Variants in RAPGEF6 observed in about 807,000 individuals in gnomAD.
RAPGEF6 encodes the protein Rap guanine nucleotide exchange factor 6.
In RAPGEF6, 56 loss-of-function variants were observed where a neutral mutation model predicts 171.4. That is an observed-to-expected ratio of 0.33 (90% CI 0.26 to 0.41). RAPGEF6 has a LOEUF of 0.41. RAPGEF6 is among the 10% of genes least tolerant of loss of function. The pLI is 1.00. For missense variants in RAPGEF6, 1,674 were observed against 1,921.4 expected (o/e 0.87, Z 2.41); for synonymous variants, 692 against 650.1 (o/e 1.06, Z -0.98).
chr5:131,542,842 T>C (rs1252429276), intron 6 of RAPGEF6, among the ~76,000 whole-genome samples: 1 of 152,128 alleles, frequency 6.6e-6, no homozygotes, highest in Non-Finnish European at 1.5e-5. Flanking sequence ...GGTCAGCAAA[T>C]TTGTTCAGTA....
intron 17 of RAPGEF6, among the ~76,000 whole-genome samples, chr5:131,470,979 G>A (rs1197899777): frequency 2.0e-5 from 3 of 152,184 alleles, no homozygotes; most frequent in African/African-American, 7.2e-5. Flanking sequence ...CTTCACCCTG[G>A]TAGTGACATT....
chr5:131,537,921 C>T (rs1010619366), intron 6 of RAPGEF6, among the ~76,000 whole-genome samples: 23 of 84,264 alleles, frequency 2.7e-4, no homozygotes, highest in Admixed American at 2.0e-3. Flanking sequence ...GATGAAACTC[C>T]GTCTCTACAA....
chr5:131,509,630 TTCAAAAAGCAAATTC>T (rs1757593961), intron 8 of RAPGEF6, among the ~76,000 whole-genome samples: 1 of 152,224 alleles, frequency 6.6e-6, no homozygotes, highest in African/African-American at 2.4e-5. Flanking sequence ...CTGCAAGTTT[TTCAAAAAGCAAATTC>T]ACAGACACTG....
At position 131,548,027 on chromosome 5, in the gene RAPGEF6, G is replaced by GT; in HGVS notation, c.495+19dup. 1 of 1,606,736 alleles carries GT rather than the reference G, an allele frequency of 6.2e-7. No homozygotes were observed. The highest frequency in any genetic ancestry group is 8.5e-7 in the Non-Finnish European group (1 of 1,175,592). On this transcript the variant is annotated intron_variant, in intron 6 of 27. Transcript: ENST00000509018. ...ATGAAAATTAAGGAAGATTCATGAA[G>GT]TGTTCCTAAATATACTCACAGAAAG...
chr5:131,580,105 G>T (rs937240021), intron 4 of RAPGEF6, among the ~76,000 whole-genome samples: 53 of 136,792 alleles, frequency 3.9e-4, no homozygotes, highest in African/African-American at 1.4e-3. Flanking sequence ...CATTGGGGAG[G>T]CTCGGGCCGC....
intron 21 of RAPGEF6, among the ~76,000 whole-genome samples, chr5:131,452,702 G>A (rs1385461859): frequency 6.7e-6 from 1 of 149,266 alleles, no homozygotes; most frequent in African/African-American, 2.5e-5. Flanking sequence ...TCCTGACCTT[G>A]TGATCCGCCT....
chr5:131,492,556 A>T (rs1756352074), intron 14 of RAPGEF6, 26 bp downstream of exon 14: 6 of 1,606,054 alleles, frequency 3.7e-6, no homozygotes, highest in Non-Finnish European at 5.1e-6. Flanking sequence ...GAAGGCTTGA[A>T]TATAAGTGGT....
intron 2 of RAPGEF6, 135 bp from the exon 3 acceptor site, chr5:131,603,462 T>C: frequency 1.7e-6 from 1 of 597,280 alleles, no homozygotes; most frequent in Non-Finnish European, 2.9e-6. Context: ...GTCACTAAAC[T>C]ACAGAGAGTT....
intron 17 of RAPGEF6, chr5:131,472,198 A>C (rs538978412): frequency 2.1e-5 from 6 of 282,452 alleles, no homozygotes; most frequent in South Asian, 2.1e-4. Context: ...CAGCCTCCCA[A>C]GTAGCTGGGA....
chr5:131,444,021 CATTCTTCCATCAGGG>C, intron 22 of RAPGEF6, among the ~76,000 whole-genome samples: 1 of 152,208 alleles, frequency 6.6e-6, no homozygotes, highest in Non-Finnish European at 1.5e-5. Flanking sequence ...AAGGGGAAGA[CATTCTTCCATCAGGG>C]AGTACTTTTA....
At chr5:131,564,271 A>G (rs1397532971) in intron 4 of RAPGEF6, among the ~76,000 whole-genome samples, 2 of 152,218 alleles carry the variant, frequency 1.3e-5, no homozygotes, top group Non-Finnish European at 1.5e-5. Flanking sequence ...AAGAGTATGC[A>G]TGAGCATTTG....
At chr5:131,452,349 C>A (rs1402283540) in intron 21 of RAPGEF6, among the ~76,000 whole-genome samples, 2 of 151,904 alleles carry the variant, frequency 1.3e-5, no homozygotes, top group Non-Finnish European at 2.9e-5. Context: ...CAGGTTAATA[C>A]AGAACACAAT....
intron 1 of RAPGEF6, among the ~76,000 whole-genome samples, chr5:131,630,689 T>C (rs1256033093): frequency 6.6e-6 from 1 of 152,194 alleles, no homozygotes; most frequent in African/African-American, 2.4e-5. Context: ...GTGTCTGTAC[T>C]TGATGTCTGG....
At chr5:131,512,602 T>C (rs139320908) in intron 7 of RAPGEF6, among the ~76,000 whole-genome samples, 3 of 152,286 alleles carry the variant, frequency 2.0e-5, no homozygotes, top group African/African-American at 4.8e-5. Context: ...CAGCTTTAAG[T>C]AATAGTCATT....
At chr5:131,547,899 G>T in intron 6 of RAPGEF6, 148 bp downstream of exon 6, 3 of 799,396 alleles carry the variant, frequency 3.8e-6, no homozygotes, top group Non-Finnish European at 3.9e-6. Flanking sequence ...CAACCAAACA[G>T]AAGCATTTAA....
intron 4 of RAPGEF6, among the ~76,000 whole-genome samples, chr5:131,572,012 G>A (rs750104030): frequency 5.9e-5 from 9 of 152,018 alleles, no homozygotes; most frequent in East Asian, 1.9e-4. Context: ...TAACACCACC[G>A]CCTATCTCAA....
At chr5:131,580,138 G>C (rs953435384) in intron 4 of RAPGEF6, among the ~76,000 whole-genome samples, 141 of 152,306 alleles carry the variant, frequency 9.3e-4, no homozygotes, top group African/African-American at 3.3e-3. Flanking sequence ...TGTGGGGGGG[G>C]GCTCGGGCAT....
At chr5:131,523,037 T>C (rs558384186) in intron 6 of RAPGEF6, among the ~76,000 whole-genome samples, 3 of 152,266 alleles carry the variant, frequency 2.0e-5, no homozygotes, top group South Asian at 4.1e-4. Context: ...TTTTTTCACA[T>C]ATACAACATC....
At chr5:131,589,106 A>T (rs1406433127) in intron 4 of RAPGEF6, among the ~76,000 whole-genome samples, 1 of 152,148 alleles carries the variant, frequency 6.6e-6, no homozygotes, top group Non-Finnish European at 1.5e-5. Flanking sequence ...ACAGCAACTA[A>T]GAAAAAGGCA....
Sources: allele counts gnomAD v4.1 joint callset (sites outside exome capture counted in the v4.1 genomes callset), GRCh38; gene constraint gnomAD v4.1.1; transcripts MANE v1.5; gene names NCBI Gene and HGNC (gene_info 2026-07-23, HGNC 2026-07-21).